PITPNB: variants seen among roughly 807,000 people sequenced by gnomAD.
The protein encoded by PITPNB is phosphatidylinositol transfer protein beta isoform.
A neutral mutation model predicts 45.9 loss-of-function variants in PITPNB; 16 were observed. That is an observed-to-expected ratio of 0.35 (90% CI 0.24 to 0.53). The LOEUF is 0.53. Ranked by LOEUF, PITPNB falls within the 20% of genes least tolerant of loss-of-function variation. The pLI, the probability that PITPNB is intolerant of heterozygous loss-of-function variation, is 0.93. For synonymous variants in PITPNB, 112 were observed against 108.9 expected (o/e 1.03, Z -0.18); for missense variants, 188 against 330.5 (o/e 0.57, Z 3.34).
intron 7 of PITPNB, among the ~76,000 whole-genome samples, chr22:27,890,762 C>T (rs1223715200): frequency 2.0e-5 from 3 of 152,090 alleles, no homozygotes; most frequent in Non-Finnish European, 2.9e-5. Context: ...TGCAGTGAGC[C>T]GAGATCGCGC....
At chr22:27,903,759 T>C (rs1601422459) in intron 3 of PITPNB, among the ~76,000 whole-genome samples, 1 of 121,130 alleles carries the variant, frequency 8.3e-6, no homozygotes, top group East Asian at 2.3e-4. Flanking sequence ...CTAGATGACA[T>C]AGTGAGACCC....
At chr22:27,887,161 T>C (rs1404735438) in intron 7 of PITPNB, among the ~76,000 whole-genome samples, 1 of 152,204 alleles carries the variant, frequency 6.6e-6, no homozygotes, top group Non-Finnish European at 1.5e-5. Context: ...CACAACTGCA[T>C]AGGTAACCAG....
chr22:27,918,748 G>T (rs894585518), intron 1 of PITPNB, among the ~76,000 whole-genome samples: 6 of 152,276 alleles, frequency 3.9e-5, no homozygotes, highest in Admixed American at 2.6e-4. Flanking sequence ...GTTACCAGGG[G>T]ACTCCACCCC....
chr22:27,912,499 G>A (rs1412215158), intron 2 of PITPNB, among the ~76,000 whole-genome samples: 1 of 151,980 alleles, frequency 6.6e-6, no homozygotes, highest in Non-Finnish European at 1.5e-5. Context: ...AATGAGTCTA[G>A]GTCAAAAGAT....
At chr22:27,882,293 C>A (rs1934995765) in intron 7 of PITPNB, among the ~76,000 whole-genome samples, 1 of 151,912 alleles carries the variant, frequency 6.6e-6, no homozygotes, top group African/African-American at 2.4e-5. Context: ...TGTCAGATTG[C>A]TCACTAAAAA....
At position 27,873,823 on chromosome 22, in the gene PITPNB, G is replaced by A. The variant is rs760575880; in HGVS notation, c.457-8C>T. The stretch of plus-strand genomic sequence containing the variant: ...TTCATCAGCTTTGTAGTCCTGCAAA[G>A]CAAAACAAAGTCAGAGGCAGAGAAG... On this transcript the variant is annotated splice_region_variant and splice_polypyrimidine_tract_variant and intron_variant, in intron 7 of 11. Coordinates refer to ENST00000335272, the MANE Select transcript of PITPNB (RefSeq NM_012399.5). 1 of 1,596,650 alleles carries A rather than the reference G, an allele frequency of 6.3e-7. No homozygotes were observed. Among genetic ancestry groups the A allele is most frequent in the Non-Finnish European group, 8.6e-7 (1 of 1,164,136 alleles).
At chr22:27,884,008 A>G (rs1379525648) in intron 7 of PITPNB, among the ~76,000 whole-genome samples, 2 of 152,176 alleles carry the variant, frequency 1.3e-5, no homozygotes, top group Non-Finnish European at 2.9e-5. Flanking sequence ...GTGACTAGTG[A>G]GTGGACCCAC....
At chr22:27,900,243 G>C (rs1487014749) in intron 3 of PITPNB, among the ~76,000 whole-genome samples, 1 of 150,992 alleles carries the variant, frequency 6.6e-6, no homozygotes, top group Non-Finnish European at 1.5e-5. Flanking sequence ...AAAACAAAAA[G>C]GCAGGAGAAA....
Position 27,919,199 on chromosome 22 carries a change from G to C in PITPNB, c.-8C>G. ...TTCCTTGATCAGCACCATCTTCCCGGAACCCCCTCACAGCTGCCGCCGATA... is the reference window on the plus strand; with the variant it reads ...TTCCTTGATCAGCACCATCTTCCCGCAACCCCCTCACAGCTGCCGCCGATA... On this transcript the variant is annotated 5_prime_UTR_variant, in exon 1 of 12. Transcript: ENST00000335272. 6.2e-7 allele frequency: 1 copy of C among 1,613,160 alleles called. No individual in the cohort carries two copies. The highest frequency in any genetic ancestry group is 1.1e-5 in the South Asian group (1 of 91,070).
At chr22:27,889,910 T>C (rs1005926290) in intron 7 of PITPNB, among the ~76,000 whole-genome samples, 12 of 152,340 alleles carry the variant, frequency 7.9e-5, no homozygotes, top group African/African-American at 2.9e-4. Context: ...CAGAATGAAA[T>C]GAACTAATTA....
At chr22:27,904,443 G>C (rs942791816) in intron 3 of PITPNB, among the ~76,000 whole-genome samples, 1 of 152,182 alleles carries the variant, frequency 6.6e-6, no homozygotes, top group Non-Finnish European at 1.5e-5. Context: ...ACAGAAAGTA[G>C]ATCAGTGGTT....
chr22:27,894,686 T>C (rs1386674831), intron 6 of PITPNB, 48 bp from the exon 7 acceptor site: 4 of 1,070,086 alleles, frequency 3.7e-6, no homozygotes, highest in South Asian at 2.5e-5. Flanking sequence ...TAGATTATTC[T>C]ATTATGCTTA....
chr22:27,902,600 G>A (rs572748062), intron 3 of PITPNB, among the ~76,000 whole-genome samples: 5 of 152,286 alleles, frequency 3.3e-5, no homozygotes, highest in African/African-American at 1.2e-4. Flanking sequence ...ATTCTTATAA[G>A]AAAATACAGA....
chr22:27,905,297 G>A (rs1935724305), intron 3 of PITPNB, among the ~76,000 whole-genome samples: 1 of 152,098 alleles, frequency 6.6e-6, no homozygotes, highest in South Asian at 2.1e-4. Context: ...ACAGGTGCCT[G>A]CCACCACATT....
At chr22:27,860,483 T>G (rs940218957) in intron 8 of PITPNB, 2 of 360,054 alleles carry the variant, frequency 5.6e-6, no homozygotes, top group Non-Finnish European at 1.0e-5. Context: ...TATGTTGCTC[T>G]GCCTCAAATA....
chr22:27,874,979 C>T (rs1934779215), intron 7 of PITPNB, among the ~76,000 whole-genome samples: 1 of 152,168 alleles, frequency 6.6e-6, no homozygotes, highest in Non-Finnish European at 1.5e-5. Flanking sequence ...TACGAACTTT[C>T]CACAAATCAA....
chr22:27,910,977 A>G lies in PITPNB; in HGVS notation c.184T>C (p.Tyr62His). The G allele has an allele frequency of 6.2e-7, 1 of 1,613,372 alleles. No individual in the cohort carries two copies. The highest frequency in any genetic ancestry group is 8.5e-7 in the Non-Finnish European group (1 of 1,179,366). Residue 62 changes from tyrosine (Y) to histidine (H), a missense_variant, in exon 3 of 12, where the codon TAT becomes CAT. By Grantham distance (83) the Tyr-to-His change is moderately conservative. Coordinates refer to ENST00000335272, the MANE Select transcript of PITPNB (RefSeq NM_012399.5). Reference sequence around the variant, plus strand: ...AACACCGCTTACCTCTTTAGGTGATAAATTTTGTGCGTATACTGTCCCTTT... The same window carrying G: ...AACACCGCTTACCTCTTTAGGTGATGAATTTTGTGCGTATACTGTCCCTTT... ...GEKGQYTHKI[Y>H]HLKSKVPAFV...
intron 3 of PITPNB, among the ~76,000 whole-genome samples, chr22:27,900,505 C>T (rs1935562789): frequency 6.6e-6 from 1 of 152,088 alleles, no homozygotes; most frequent in Admixed American, 6.6e-5. Context: ...TCCAGCAATT[C>T]ATTTTATGTT....
intron 2 of PITPNB, 100 bp from the exon 3 acceptor site, chr22:27,911,209 T>C (rs1484034284): frequency 2.6e-6 from 2 of 767,684 alleles, no homozygotes; most frequent in Non-Finnish European, 4.3e-6. Flanking sequence ...GAAAAGCATA[T>C]CCAAACCATT....
Sources: allele counts gnomAD v4.1 joint callset (sites outside exome capture counted in the v4.1 genomes callset), GRCh38; gene constraint gnomAD v4.1.1; transcripts MANE v1.5; gene names NCBI Gene and HGNC (gene_info 2026-07-23, HGNC 2026-07-21).